ATP2C2: variants seen among roughly 807,000 people sequenced by gnomAD.
ATP2C2 encodes the protein ATPase secretory pathway Ca2+ transporting 2, also known as calcium-transporting ATPase type 2C member 2.
In ATP2C2, 171 loss-of-function variants were observed where a neutral mutation model predicts 110.8. The ratio of observed to expected loss-of-function variants is 1.54; its 90% CI spans 1.36 to 1.75. ATP2C2 has a LOEUF of 1.75. ATP2C2 is among the 40% of genes most tolerant of loss of function. The pLI, the probability that ATP2C2 is intolerant of heterozygous loss-of-function variation, is 0.00. For synonymous variants in ATP2C2, 804 were observed against 508.4 expected, an observed-to-expected ratio of 1.58 and a Z score of -7.82; for missense variants, 1,963 against 1,235.0, an observed-to-expected ratio of 1.59 and a Z score of -8.84.
chr16:84,434,404 G>T (rs747661281), intron 11 of ATP2C2, among the ~76,000 whole-genome samples: 2 of 151,754 alleles, frequency 1.3e-5, no homozygotes, highest in Non-Finnish European at 2.9e-5. Context: ...GACAGAGCAA[G>T]ACTCCATCTC....
intron 1 of ATP2C2, among the ~76,000 whole-genome samples, chr16:84,383,499 T>C (rs1189135140): frequency 6.6e-6 from 1 of 152,212 alleles, no homozygotes; most frequent in Admixed American, 6.5e-5. Context: ...AATGAACCTG[T>C]TTCTTCCCAG....
At chr16:84,416,868 G>C (rs1906881359) in intron 7 of ATP2C2, among the ~76,000 whole-genome samples, 1 of 152,156 alleles carries the variant, frequency 6.6e-6, no homozygotes, top group Non-Finnish European at 1.5e-5. Context: ...CCTACAAGGA[G>C]GACTGGGGAA....
intron 2 of ATP2C2, among the ~76,000 whole-genome samples, chr16:84,401,036 A>G (rs1406388989): frequency 2.6e-5 from 4 of 152,026 alleles, no homozygotes; most frequent in Non-Finnish European, 5.9e-5. Context: ...CACTTTGTTG[A>G]TGATTTCCTT....
In ATP2C2 at chr16:84,461,813, G is replaced by C. The variant is rs1360307297; in HGVS notation, c.2580+1G>C. 1 of 1,613,622 alleles carries C rather than the reference G, an allele frequency of 6.2e-7. No homozygotes were observed. Among genetic ancestry groups the C allele is most frequent in the Non-Finnish European group, 8.5e-7 (1 of 1,179,626 alleles). ...CAACGCCTTGACCTGCCGCTCTCAGGTGAGACCCGGGCTGACCCTCCTCGC... is the reference window on the plus strand; with the variant it reads ...CAACGCCTTGACCTGCCGCTCTCAGCTGAGACCCGGGCTGACCCTCCTCGC... On this transcript the variant is annotated splice_donor_variant, in intron 25 of 26. Coordinates refer to ENST00000262429, the MANE Select transcript of ATP2C2 (RefSeq NM_014861.4). LOFTEE classifies it high-confidence loss of function.
chr16:84,455,055 C>G, intron 21 of ATP2C2, 71 bp downstream of exon 21: 4 of 1,479,128 alleles, frequency 2.7e-6, no homozygotes, highest in African/African-American at 1.5e-5. Context: ...CTGGAACCTG[C>G]TACTGTGGAG....
chr16:84,368,882 C>T (rs1207843410), intron 1 of ATP2C2, among the ~76,000 whole-genome samples, 168 bp downstream of exon 1: 1 of 152,234 alleles, frequency 6.6e-6, no homozygotes, highest in Non-Finnish European at 1.5e-5. Flanking sequence ...CTCATCTGCG[C>T]TCTGGCGCGG....
rs1392446343 is a variant in ATP2C2, at chr16:84,448,462, G to C, written c.1504-71G>C. 6.6e-6 allele frequency: 10 copies of C among 1,510,882 alleles called. 1 individual carries two copies. The South Asian group carries it at 1.3e-4, about 19-fold the overall frequency. 93.6% of individuals were successfully genotyped at this position (1,510,882 alleles called of 1,614,324 possible). On this transcript the variant is annotated intron_variant, in intron 16 of 26. Transcript: ENST00000262429. ...GTGTGTGTCTTTGTAACCTTGTGCA[G>C]AGTGGGGTGATGGTCAGTATGAACC...
chr16:84,397,065 T>G (rs1356108924), intron 1 of ATP2C2, among the ~76,000 whole-genome samples: 4 of 151,888 alleles, frequency 2.6e-5, no homozygotes, highest in African/African-American at 9.7e-5. Context: ...CAGTTTCCAG[T>G]AACCTGGTGG....
intron 3 of ATP2C2, among the ~76,000 whole-genome samples, chr16:84,405,502 G>T (rs1223082308): frequency 6.6e-6 from 1 of 150,888 alleles, no homozygotes; most frequent in Non-Finnish European, 1.5e-5. Flanking sequence ...GAATAAGTAA[G>T]CATGCGCTTA....
chr16:84,417,371 G>A (rs948233445), intron 7 of ATP2C2, among the ~76,000 whole-genome samples: 1 of 152,186 alleles, frequency 6.6e-6, no homozygotes, highest in African/African-American at 2.4e-5. Flanking sequence ...TCTAAAAGGG[G>A]CTGATGTTGG....
At chr16:84,427,284 A>G (rs1353941972) in intron 11 of ATP2C2, among the ~76,000 whole-genome samples, 1 of 152,240 alleles carries the variant, frequency 6.6e-6, no homozygotes, top group East Asian at 1.9e-4. Flanking sequence ...CAACTTAGGT[A>G]CAGTGGAATA....
chr16:84,418,771 TC>T (rs1907061295), intron 7 of ATP2C2, among the ~76,000 whole-genome samples: 3 of 152,184 alleles, frequency 2.0e-5, no homozygotes, highest in Admixed American at 6.5e-5. Context: ...GCACTGCCTC[TC>T]CCCCTGAGTT....
rs1404732497 is a variant in ATP2C2 at position 84,448,652 on chromosome 16, G to A, written c.1623G>A (p.Leu541=). ...PLTPQQRSFC[L]QEEKRMGSLG... ...CGCCCCAGCAGAGGTCATTCTGCCT[G>A]CAGGAAGAGAAGAGGATGGGGTCGC... Residue 541 remains leucine (L), a synonymous_variant, in exon 17 of 27, where the codon CTG becomes CTA. Transcript: ENST00000262429. The A allele has an allele frequency of 6.2e-7, 1 of 1,613,886 alleles. No homozygotes were observed. Among genetic ancestry groups the A allele is most frequent in the Non-Finnish European group, 8.5e-7 (1 of 1,179,884 alleles).
intron 7 of ATP2C2, among the ~76,000 whole-genome samples, chr16:84,420,429 T>G (rs11641472): frequency 0.48 from 71,569 of 150,482 alleles, 17,647 homozygotes; most frequent in African/African-American, 0.6. Context: ...CTTCGTAGTT[T>G]TCTTCCCGGG....
intron 11 of ATP2C2, 192 bp from the exon 12 acceptor site, chr16:84,438,974 C>T (rs1453080546): frequency 2.9e-6 from 2 of 694,238 alleles, no homozygotes; most frequent in South Asian, 4.4e-5. Context: ...GCGGGGTCTG[C>T]AGGGGAGGGC....
intron 1 of ATP2C2, among the ~76,000 whole-genome samples, chr16:84,394,194 A>C (rs1367177483): frequency 6.6e-6 from 1 of 152,002 alleles, no homozygotes; most frequent in Non-Finnish European, 1.5e-5. Flanking sequence ...AAAAACGAAA[A>C]ACAAAATTCT....
intron 10 of ATP2C2, among the ~76,000 whole-genome samples, chr16:84,424,936 A>G (rs76283711): frequency 0.019 from 2,946 of 152,184 alleles, 82 homozygotes; most frequent in African/African-American, 0.067. Flanking sequence ...CCTCACCCCT[A>G]TTTCCAATAG....
chr16:84,404,731 T>C, intron 2 of ATP2C2: 1 of 355,744 alleles, frequency 2.8e-6, no homozygotes, highest in Non-Finnish European at 5.4e-6. Context: ...TTGCTGGATC[T>C]GGTAGCTCCC....
At chr16:84,454,187 G>A (rs1390286625) in intron 20 of ATP2C2, among the ~76,000 whole-genome samples, 1 of 152,110 alleles carries the variant, frequency 6.6e-6, no homozygotes, top group African/African-American at 2.4e-5. Flanking sequence ...AACTATTAAT[G>A]CCGTCAGCTG....
Sources: allele counts gnomAD v4.1 joint callset (sites outside exome capture counted in the v4.1 genomes callset), GRCh38; gene constraint gnomAD v4.1.1; transcripts MANE v1.5; gene names NCBI Gene and HGNC (gene_info 2026-07-23, HGNC 2026-07-21).